TET3: variants seen among roughly 807,000 people sequenced by gnomAD.
TET3 encodes methylcytosine dioxygenase TET3.
TET3 carries 19 observed loss-of-function variants against 141.4 expected under a neutral mutation model. That is an observed-to-expected ratio of 0.13 (90% CI 0.09 to 0.20). TET3 has a LOEUF of 0.20. TET3 is among the 10% of genes least tolerant of loss of function. The probability of loss-of-function intolerance (pLI) is 1.00; values close to 1 mark genes in which losing one functional copy is unlikely to be tolerated. For missense variants in TET3, 1,874 were observed against 2,356.9 expected, an observed-to-expected ratio of 0.80 and a Z score of 4.24; for synonymous variants, 1,043 against 980.9, an observed-to-expected ratio of 1.06 and a Z score of -1.18.
At chr2:74,030,994 T>A (rs1227144686) in intron 3 of TET3, among the ~76,000 whole-genome samples, 1 of 151,994 alleles carries the variant, frequency 6.6e-6, no homozygotes, top group Non-Finnish European at 1.5e-5. Context: ...GGGGGGGAGT[T>A]GCTGAGGAAA....
At chr2:73,984,813 C>CGGCCG (rs965624764), upstream of TET3, among the ~76,000 whole-genome samples, 2 of 147,010 alleles carry the variant, frequency 1.4e-5, no homozygotes, top group African/African-American at 4.9e-5. The surrounding 1 kb of genome is among the most constrained non-coding windows in gnomAD (Gnocchi z 5.6). Context: ...GCCCGGGGCC[C>CGGCCG]GGCCGGGCCG....
At chr2:74,113,943 G>GA in the TET3 span, among the ~76,000 whole-genome samples, 29 of 150,914 alleles carry the variant, frequency 1.9e-4, no homozygotes, top group East Asian at 2.3e-3. Flanking sequence ...CACAGAAATA[G>GA]AAAAAAAAAT....
In TET3 at chr2:74,101,349, A is replaced by G. The variant is rs1691202814; in HGVS notation, c.4561A>G (p.Ser1521Gly). The G allele has an allele frequency of 2.5e-6, 4 of 1,613,756 alleles. No homozygotes were observed. The highest frequency in any genetic ancestry group is 1.7e-5 in the Admixed American group (1 of 59,990). ...GTGGAGCCCCTGCAAGTTTGGGAAC[A>G]GCACCTCGGCCTTGGCTGGGCCCAG... ...KPWSPCKFGNSTSALAGPSLT... is the reference protein window; with the variant it reads ...KPWSPCKFGNGTSALAGPSLT... The change falls in exon 12 of 12, where the codon AGC becomes GGC. Residue 1521 changes from serine (S) to glycine (G), a missense_variant. By Grantham distance (56) the Ser-to-Gly change is moderately conservative. This residue lies in a region of TET3 where 602 missense variants were observed against 590.2 expected (regional missense o/e 1.02). Coordinates refer to ENST00000409262, the MANE Select transcript of TET3 (RefSeq NM_001287491.2). This position sits in a 1 kb window ranked among gnomAD's most constrained non-coding sequence, Gnocchi z 8.5.
intron 3 of TET3, among the ~76,000 whole-genome samples, chr2:74,043,606 G>T (rs145609438): frequency 1.5e-4 from 23 of 152,302 alleles, no homozygotes; most frequent in African/African-American, 5.5e-4. Flanking sequence ...GCTCTAAGAG[G>T]CTGAGAAGGG....
chr2:74,026,399 G>A (rs756038525), intron 3 of TET3, among the ~76,000 whole-genome samples: 7 of 152,050 alleles, frequency 4.6e-5, no homozygotes, highest in South Asian at 2.1e-4. Context: ...GCCAGTGGCC[G>A]GGGATTGTTA....
the TET3 span, chr2:74,122,302 C>G: frequency 2.6e-5 from 4 of 151,520 alleles, no homozygotes; most frequent in African/African-American, 9.7e-5. Context: ...AGTGAACAGG[C>G]CTGACAACAG....
intron 4 of TET3, among the ~76,000 whole-genome samples, chr2:74,065,224 ATGAAG>A (rs937977359): frequency 2.0e-5 from 3 of 152,248 alleles, no homozygotes; most frequent in African/African-American, 7.2e-5. Context: ...TAAAATGAAA[ATGAAG>A]TGAATAGTCA....
At chr2:74,001,223 G>T (rs763466736) in intron 2 of TET3, among the ~76,000 whole-genome samples, 1 of 152,196 alleles carries the variant, frequency 6.6e-6, no homozygotes, top group Non-Finnish European at 1.5e-5. Context: ...CTTTCCAAAG[G>T]CCGCTCATCC....
chr2:74,133,522 A>G, the TET3 span, among the ~76,000 whole-genome samples: 1 of 152,176 alleles, frequency 6.6e-6, no homozygotes, highest in African/African-American at 2.4e-5. Context: ...TCCTGGCAGA[A>G]GGCCTCATTC....
the TET3 span, among the ~76,000 whole-genome samples, chr2:74,117,473 C>T: frequency 6.6e-6 from 1 of 151,890 alleles, no homozygotes; most frequent in African/African-American, 2.4e-5. Flanking sequence ...TCCTGTGAGG[C>T]TCAAGTGATC....
intron 4 of TET3, among the ~76,000 whole-genome samples, chr2:74,067,935 G>C (rs1299409529): frequency 6.6e-6 from 1 of 152,170 alleles, no homozygotes; most frequent in Non-Finnish European, 1.5e-5. Context: ...GTCCAGCGTG[G>C]TATAATAATG....
rs934708254 is a variant in TET3, at chr2:74,088,861, G to A, written c.2888+823G>A. Among the ~76,000 whole-genome samples, 15 of 152,094 alleles carry A rather than the reference G, an allele frequency of 9.9e-5. No homozygotes were observed. In the East Asian group the frequency reaches 1.6e-3, roughly 16 times the overall value. On this transcript the variant is annotated intron_variant, in intron 7 of 11. Transcript: ENST00000409262. ...TTTGGGAGGCCAAGGCGGGTGGATC[G>A]CCTGAGGCCAGGAATTCGAGACGAG...
the TET3 span, among the ~76,000 whole-genome samples, chr2:74,113,195 G>A: frequency 3.9e-5 from 6 of 151,978 alleles, no homozygotes; most frequent in Admixed American, 2.6e-4. Flanking sequence ...GACCAGCCTG[G>A]CCAACATGGT....
At chr2:74,005,734 G>A (rs377460127) in intron 3 of TET3, among the ~76,000 whole-genome samples, 7 of 152,326 alleles carry the variant, frequency 4.6e-5, no homozygotes, top group African/African-American at 1.4e-4. Context: ...TCCTGCCAGG[G>A]TTTCAGGAAT....
At chr2:74,072,061 G>A (rs573108750) in intron 4 of TET3, among the ~76,000 whole-genome samples, 3 of 152,162 alleles carry the variant, frequency 2.0e-5, no homozygotes, top group Non-Finnish European at 2.9e-5. Context: ...AAAAAACACC[G>A]TTACCCATTA....
At chr2:74,062,194 G>A (rs537568697) in intron 4 of TET3, among the ~76,000 whole-genome samples, 7 of 152,334 alleles carry the variant, frequency 4.6e-5, no homozygotes, top group South Asian at 2.1e-4. Context: ...CGAGGCTGGC[G>A]GATCACTCGC....
At chr2:74,049,354 G>A (rs1336923099) in intron 4 of TET3, among the ~76,000 whole-genome samples, 1 of 152,172 alleles carries the variant, frequency 6.6e-6, no homozygotes, top group Non-Finnish European at 1.5e-5. Flanking sequence ...AAGCGGTGCC[G>A]TGTGTGAGAA....
intron 7 of TET3, among the ~76,000 whole-genome samples, 170 bp downstream of exon 7, chr2:74,088,208 T>C (rs1690266187): frequency 6.6e-6 from 1 of 152,184 alleles, no homozygotes; most frequent in South Asian, 2.1e-4. Context: ...AGATCTTGCT[T>C]GAGCTGGGTT....
At chr2:74,050,671 T>A (rs1324956956) in intron 4 of TET3, among the ~76,000 whole-genome samples, 1 of 152,070 alleles carries the variant, frequency 6.6e-6, no homozygotes, top group Non-Finnish European at 1.5e-5. Flanking sequence ...CACCTCAGTC[T>A]CCCGAGTAGC....
Sources: gnomAD v4.1 joint callset for allele counts (sites outside exome capture counted in the v4.1 genomes callset) on GRCh38, gnomAD v4.1.1 for gene constraint, gnomAD v4.1.1 regional missense constraint, Gnocchi (gnomAD v3.1) non-coding constraint, MANE v1.5 for transcripts, NCBI Gene and HGNC (gene_info 2026-07-23, HGNC 2026-07-21) for gene names.